Variants in QTGAL observed in about 807,000 individuals in gnomAD.
The protein encoded by QTGAL is BGnT-like protein 1.
chr17:83,005,954 G>A, the QTGAL span: 1 of 1,195,350 alleles, frequency 8.4e-7, no homozygotes, highest in East Asian at 4.2e-5. The surrounding 1 kb of genome is among the most constrained non-coding windows in gnomAD (Gnocchi z 5.6). Context: ...GAGGTAGGAG[G>A]GCAGGTCCTT....
At chr17:82,964,231 C>G in the QTGAL span, among the ~76,000 whole-genome samples, 2 of 109,020 alleles carry the variant, frequency 1.8e-5, no homozygotes, top group African/African-American at 7.3e-5. Flanking sequence ...ACTCCAGCCT[C>G]AGGAACAGAG....
At chr17:82,948,602 C>T in the QTGAL span, 1 of 152,254 alleles carries the variant, frequency 6.6e-6, no homozygotes, top group African/African-American at 2.4e-5. Context: ...CTGGATTCTG[C>T]TCACATGAAC....
chr17:83,018,300 C>T, the QTGAL span, among the ~76,000 whole-genome samples: 6 of 152,320 alleles, frequency 3.9e-5, no homozygotes, highest in African/African-American at 1.4e-4. Context: ...GCGCCTGCAT[C>T]AGGTACCACA....
the QTGAL span, chr17:83,007,286 C>T: frequency 3.7e-5 from 36 of 985,268 alleles, no homozygotes; most frequent in East Asian, 1.5e-3. Context: ...CCCTGCCCAG[C>T]GAGTTTTCCC....
the QTGAL span, among the ~76,000 whole-genome samples, chr17:83,009,111 AAACGTAACTCAGGGCTGG>A: frequency 3.0e-4 from 45 of 152,252 alleles, no homozygotes; most frequent in Admixed American, 8.5e-4. Flanking sequence ...CCCCATCATA[AAACGTAACTCAGGGCTGG>A]AACGTAACTC....
chr17:82,999,754 G>T, the QTGAL span, among the ~76,000 whole-genome samples: 2 of 152,114 alleles, frequency 1.3e-5, no homozygotes, highest in African/African-American at 4.8e-5. Context: ...CACAGCTGCA[G>T]CCCTCAGTCT....
chr17:83,019,599 C>T, the QTGAL span, among the ~76,000 whole-genome samples: 149 of 152,160 alleles, frequency 9.8e-4, no homozygotes, highest in African/African-American at 3.4e-3. Context: ...GATCTGGAGG[C>T]GGAGGCGGCG....
At chr17:82,943,127 G>C in the QTGAL span, 1 of 152,814 alleles carries the variant, frequency 6.5e-6, no homozygotes, top group Non-Finnish European at 1.5e-5. Flanking sequence ...AAGGGGAATC[G>C]TCAGAGTCCA....
chr17:83,006,456 C>A, the QTGAL span: 2 of 984,418 alleles, frequency 2.0e-6, no homozygotes, highest in African/African-American at 1.7e-5. The surrounding 1 kb of genome is among the most constrained non-coding windows in gnomAD (Gnocchi z 5.8). Context: ...ACCCTCTGTG[C>A]CCTTCACCAC....
the QTGAL span, among the ~76,000 whole-genome samples, chr17:82,998,854 G>A: frequency 6.6e-6 from 1 of 152,092 alleles, no homozygotes; most frequent in East Asian, 1.9e-4. Context: ...GAAGATACAC[G>A]GATGGCAAAT....
At chr17:82,964,315 T>A in the QTGAL span, among the ~76,000 whole-genome samples, 2 of 123,908 alleles carry the variant, frequency 1.6e-5, no homozygotes, top group African/African-American at 3.0e-5. Flanking sequence ...AATTACAAAA[T>A]CCTTAAGAGA....
At chr17:82,942,608 C>A in the QTGAL span, 1 of 1,061,680 alleles carries the variant, frequency 9.4e-7, no homozygotes, top group Non-Finnish European at 1.4e-6. Context: ...TAGCTGACAG[C>A]TTTTCCTCTC....
At chr17:82,954,190 G>C in the QTGAL span, among the ~76,000 whole-genome samples, 1 of 152,198 alleles carries the variant, frequency 6.6e-6, no homozygotes, top group East Asian at 1.9e-4. Flanking sequence ...GATATGAAGA[G>C]AGGAAGTCAA....
chr17:83,031,533 C>T, the QTGAL span, among the ~76,000 whole-genome samples: 9 of 152,078 alleles, frequency 5.9e-5, no homozygotes, highest in South Asian at 2.1e-4. Flanking sequence ...CAGGGCTCTG[C>T]GAGGACTCAC....
At chr17:83,030,242 T>C in the QTGAL span, among the ~76,000 whole-genome samples, 2 of 152,274 alleles carry the variant, frequency 1.3e-5, no homozygotes, top group African/African-American at 4.8e-5. Flanking sequence ...ACCCCTACAG[T>C]ACTAAGTTCT....
chr17:83,044,596 C>T, the QTGAL span, among the ~76,000 whole-genome samples: 1 of 152,180 alleles, frequency 6.6e-6, no homozygotes, highest in African/African-American at 2.4e-5. Flanking sequence ...GCGAGGATGC[C>T]CACTTTCACC....
chr17:82,982,181 T>A, the QTGAL span, among the ~76,000 whole-genome samples: 622 of 10,248 alleles, frequency 0.061, 1 homozygote, highest in Non-Finnish European at 0.076. Context: ...TCCATCCTTC[T>A]CACCTCTGTG....
the QTGAL span, among the ~76,000 whole-genome samples, chr17:82,959,716 G>A: frequency 5.3e-5 from 8 of 151,958 alleles, no homozygotes; most frequent in East Asian, 1.9e-4. Context: ...CTCTGTGGCC[G>A]TGGGTGGCAC....
the QTGAL span, among the ~76,000 whole-genome samples, chr17:83,025,186 G>A: frequency 2.5e-5 from 3 of 120,832 alleles, no homozygotes; most frequent in Non-Finnish European, 5.6e-5. Flanking sequence ...CACGGACACC[G>A]CGGAGAGTCC....
Sources: gnomAD v4.1 joint callset for allele counts (sites outside exome capture counted in the v4.1 genomes callset) on GRCh38, gnomAD v4.1.1 for gene constraint, Gnocchi (gnomAD v3.1) non-coding constraint, MANE v1.5 for transcripts, NCBI Gene and HGNC (gene_info 2026-07-23, HGNC 2026-07-21) for gene names.